Variants in REV1 observed in about 807,000 individuals in gnomAD.
REV1 encodes the protein REV1 DNA directed polymerase.
REV1 carries 42 observed loss-of-function variants against 137.4 expected under a neutral mutation model. The ratio of observed to expected loss-of-function variants is 0.31; its 90% CI spans 0.24 to 0.40. The LOEUF (loss-of-function observed/expected upper bound fraction) is 0.40. Ranked by LOEUF, REV1 falls within the 10% of genes least tolerant of loss-of-function variation. REV1 has a pLI of 1.00. For synonymous variants in REV1, 524 were observed against 519.2 expected, an observed-to-expected ratio of 1.01 and a Z score of -0.12; for missense variants, 1,282 against 1,490.1, an observed-to-expected ratio of 0.86 and a Z score of 2.30.
chr2:99,404,340 T>G, intron 18 of REV1, 104 bp downstream of exon 18: 31 of 696,694 alleles, frequency 4.4e-5, no homozygotes, highest in East Asian at 2.1e-4. Flanking sequence ...CCAGTGGATG[T>G]GGTGTCAGAT....
chr2:99,400,638 T>C lies in REV1; in HGVS notation c.*603A>G, dbSNP rs1298907611. The C allele has an allele frequency of 1.3e-5, 2 of 152,194 alleles. No homozygotes were observed. The highest frequency in any genetic ancestry group is 4.8e-5 in the African/African-American group (2 of 41,450). The allele number at this position is 152,194 out of a possible 1,614,324, so 9.4% of individuals were successfully genotyped here. ...ACCACCTCTGATCTACGGGACATAA[T>C]GTTCCCAGGAAAAAAATCTTCAAGT... On this transcript the variant is annotated 3_prime_UTR_variant, in exon 23 of 23. Transcript: ENST00000258428.
intron 8 of REV1, among the ~76,000 whole-genome samples, chr2:99,433,404 T>C (rs1462409384): frequency 6.6e-6 from 1 of 152,180 alleles, no homozygotes; most frequent in Non-Finnish European, 1.5e-5. Flanking sequence ...GTATCTGCAA[T>C]TATGTTATTT....
At chr2:99,490,189 T>C (rs1281026660), upstream of REV1, among the ~76,000 whole-genome samples, 1 of 150,002 alleles carries the variant, frequency 6.7e-6, no homozygotes, top group Non-Finnish European at 1.5e-5. Context: ...GGCGTCGGCC[T>C]CCGTGTTCCT....
chr2:99,427,328 T>C (rs1404087108), intron 9 of REV1, among the ~76,000 whole-genome samples: 1 of 152,242 alleles, frequency 6.6e-6, no homozygotes, highest in Non-Finnish European at 1.5e-5. Context: ...TCTGTGATTC[T>C]AGGATATCTG....
rs548723897 is a variant in REV1, at chr2:99,473,422, G to A, written c.-10-8437C>T. 2.6e-5 allele frequency among the ~76,000 whole-genome samples: 4 copies of A among 151,898 alleles called. No homozygotes were observed. The South Asian group carries it at 6.2e-4, about 24-fold the overall frequency. On this transcript the variant is annotated intron_variant, in intron 1 of 22. Coordinates refer to ENST00000258428, the MANE Select transcript of REV1 (RefSeq NM_016316.4). ...AAAAAGAAAAAAATTCAGACACCTA[G>A]GTGAAGGGCACAATTTCCCAGAAGT...
At chr2:99,431,149 C>A (rs1575077901) in intron 8 of REV1, among the ~76,000 whole-genome samples, 4 of 152,204 alleles carry the variant, frequency 2.6e-5, no homozygotes, top group African/African-American at 9.6e-5. Flanking sequence ...TAATCATCAG[C>A]ATCTTTCATC....
At chr2:99,421,370 T>C (rs3087395) in intron 11 of REV1, 129 bp downstream of exon 11, 22,080 of 736,314 alleles carry the variant, frequency 0.03, 995 homozygotes, top group Admixed American at 0.16. Context: ...TGTCACACAA[T>C]TGTAAGCAAT....
In REV1 at chr2:99,462,640, G is replaced by GTGGTT. The variant is rs1411053126; in HGVS notation, c.55-19_55-18insAACCA. ...TACCCACCCTAGAATTAAAGAAAAG[G>GTGGTT]TAAACCAATCACAAAGGTTACATTT... On this transcript the variant is annotated intron_variant, in intron 2 of 22. Transcript: ENST00000258428. 1.3e-6 allele frequency: 2 copies of GTGGTT among 1,584,588 alleles called. No homozygotes were observed. Among genetic ancestry groups the GTGGTT allele is most frequent in the South Asian group, 1.2e-5 (1 of 84,616 alleles).
chr2:99,409,853 A>ACCCCCCC (rs36096966), intron 14 of REV1, among the ~76,000 whole-genome samples: 1 of 78,550 alleles, frequency 1.3e-5, no homozygotes, highest in South Asian at 6.5e-4. Flanking sequence ...AAAACAAACA[A>ACCCCCCC]CCCCCCCCCC....
Position 99,418,938 on chromosome 2 carries a change from A to G in REV1, c.1841T>C (p.Ile614Thr), listed in dbSNP as rs370926825. Residue 614 changes from isoleucine to threonine, a missense_variant, in exon 12 of 23, where the codon ATT (isoleucine) becomes ACT (threonine). Physicochemically the swap from Ile to Thr is moderately conservative, Grantham distance 89. This residue lies in a region of REV1 where 372 missense variants were observed against 482.3 expected (regional missense o/e 0.77). Transcript: ENST00000258428. ...CAASVGIGSN[I>T]LLARMATRKA... Reference sequence around the variant, plus strand: ...TCTAGTTGCCATTCTAGCCAGGAGAATATTAGAACCTATTAAAAAAAAAAG... The same window carrying G: ...TCTAGTTGCCATTCTAGCCAGGAGAGTATTAGAACCTATTAAAAAAAAAAG... The G allele has an allele frequency of 1.9e-6, 3 of 1,601,388 alleles. No homozygotes were observed. The highest frequency in any genetic ancestry group is 2.6e-6 in the Non-Finnish European group (3 of 1,174,610).
intron 5 of REV1, among the ~76,000 whole-genome samples, chr2:99,439,788 A>G (rs1263887303): frequency 6.6e-6 from 1 of 152,198 alleles, no homozygotes; most frequent in African/African-American, 2.4e-5. Context: ...TTAATATACT[A>G]CAAATAACTT....
At chr2:99,447,634 TTTATTTCTCACATAACCACA>T (rs1682384524) in intron 4 of REV1, among the ~76,000 whole-genome samples, 8 of 152,242 alleles carry the variant, frequency 5.3e-5, no homozygotes, top group African/African-American at 1.9e-4. Flanking sequence ...ACAAATGATT[TTTATTTCTCACATAACCACA>T]GCAGGCAGAT....
intron 13 of REV1, among the ~76,000 whole-genome samples, chr2:99,411,411 C>T (rs1002132821): frequency 7.2e-6 from 1 of 138,648 alleles, no homozygotes; most frequent in East Asian, 2.1e-4. Context: ...CCTTTCTTTC[C>T]TTTTTTTTTT....
intron 1 of REV1, among the ~76,000 whole-genome samples, chr2:99,484,492 GT>G (rs1318982978): frequency 1.3e-5 from 2 of 152,104 alleles, no homozygotes; most frequent in African/African-American, 4.8e-5. Context: ...AGACATTTAT[GT>G]TTTCTTAAAT....
chr2:99,448,322 T>C (rs1415271614), intron 4 of REV1, among the ~76,000 whole-genome samples: 1 of 152,244 alleles, frequency 6.6e-6, no homozygotes, highest in Non-Finnish European at 1.5e-5. Flanking sequence ...TTACTTCTTT[T>C]ATAAATCAGT....
At chr2:99,458,453 A>C (rs1055887626) in intron 3 of REV1, among the ~76,000 whole-genome samples, 1 of 152,274 alleles carries the variant, frequency 6.6e-6, no homozygotes, top group Non-Finnish European at 1.5e-5. Context: ...AAGGATGCAA[A>C]GAAAGTTGAT....
intron 7 of REV1, 79 bp downstream of exon 7, chr2:99,435,755 A>G: frequency 2.6e-6 from 2 of 759,358 alleles, no homozygotes. Context: ...AATTTTTTAA[A>G]AAAAGATTTT....
At chr2:99,420,782 A>G (rs1162445412) in intron 11 of REV1, among the ~76,000 whole-genome samples, 1 of 152,200 alleles carries the variant, frequency 6.6e-6, no homozygotes, top group Non-Finnish European at 1.5e-5. Flanking sequence ...ATGGCAAGCT[A>G]AGACAGTTAA....
At chr2:99,461,995 A>G (rs1332626895) in intron 3 of REV1, among the ~76,000 whole-genome samples, 2 of 152,200 alleles carry the variant, frequency 1.3e-5, no homozygotes, top group African/African-American at 2.4e-5. Context: ...AGAGAGACTA[A>G]GTGAAATTTT....
Sources: allele counts gnomAD v4.1 joint callset (sites outside exome capture counted in the v4.1 genomes callset), GRCh38; gene constraint gnomAD v4.1.1; regional missense constraint gnomAD v4.1.1; transcripts MANE v1.5; gene names NCBI Gene and HGNC (gene_info 2026-07-23, HGNC 2026-07-21).